NFATC3: variants seen among roughly 807,000 people sequenced by gnomAD.
NFATC3 encodes nuclear factor of activated T cells 3.
Under a neutral mutation model 98.6 loss-of-function variants are expected in NFATC3, and 46 were observed. The ratio of observed to expected loss-of-function variants is 0.47; its 90% confidence interval spans 0.37 to 0.60. NFATC3 has a LOEUF of 0.60. NFATC3 is among the 20% of genes least tolerant of loss of function. The pLI is 0.00. For missense variants in NFATC3, 1,256 were observed against 1,295.5 expected (o/e 0.97, Z 0.47); for synonymous variants, 512 against 472.2 (o/e 1.08, Z -1.09).
chr16:68,109,806 G>A (rs1379295052), intron 1 of NFATC3, among the ~76,000 whole-genome samples: 2 of 151,782 alleles, frequency 1.3e-5, no homozygotes, highest in Middle Eastern at 3.2e-3. Context: ...GTCTTAGGAG[G>A]GTGTATGTGT....
chr16:68,173,449 C>T (rs1012401364), intron 5 of NFATC3, among the ~76,000 whole-genome samples: 7 of 152,062 alleles, frequency 4.6e-5, no homozygotes, highest in Non-Finnish European at 8.8e-5. Context: ...TGCCTGTAAT[C>T]CCAGCTACTC....
chr16:68,223,303 G>T (rs1342828179), intron 9 of NFATC3, among the ~76,000 whole-genome samples: 1 of 151,776 alleles, frequency 6.6e-6, no homozygotes, highest in Non-Finnish European at 1.5e-5. Context: ...TGGGAGGATT[G>T]CTTGAGGCCA....
chr16:68,085,594 A>C lies in NFATC3; in HGVS notation c.-88A>C, dbSNP rs764160008. The C allele has an allele frequency of 3.3e-6, 4 of 1,200,714 alleles. No individual in the cohort carries two copies. Among genetic ancestry groups the C allele is most frequent in the African/African-American group, 3.3e-5 (2 of 61,422 alleles). The allele number at this position is 1,200,714 out of a possible 1,614,324, so 74.4% of individuals were successfully genotyped here. On this transcript the variant is annotated 5_prime_UTR_variant, in exon 1 of 10. An upstream start codon of the reference 5' UTR is lost. Coordinates refer to ENST00000346183, the MANE Select transcript of NFATC3 (RefSeq NM_173165.3). ...GACCTCTTGGCCCGCGCGGCCCGGC[A>C]TGAAGCGGCGTTGAGGAGCTGCTGC...
chr16:68,175,177 A>G (rs1385827610), intron 6 of NFATC3, among the ~76,000 whole-genome samples: 2 of 152,254 alleles, frequency 1.3e-5, no homozygotes, highest in African/African-American at 4.8e-5. Context: ...ATAAAAGGAC[A>G]CATAGTATAT....
chr16:68,104,812 G>A (rs141859350), intron 1 of NFATC3, among the ~76,000 whole-genome samples: 3,043 of 151,802 alleles, frequency 0.02, 43 homozygotes, highest in Non-Finnish European at 0.033. Flanking sequence ...CCACCACCAC[G>A]CTCAGCTAAT....
At chr16:68,097,989 G>C (rs2035108182) in intron 1 of NFATC3, among the ~76,000 whole-genome samples, 1 of 152,056 alleles carries the variant, frequency 6.6e-6, no homozygotes, top group South Asian at 2.1e-4. Context: ...CTGACTTCTT[G>C]TCATTGCTAT....
intron 9 of NFATC3, among the ~76,000 whole-genome samples, chr16:68,214,704 G>C (rs1073632): frequency 6.6e-6 from 1 of 152,166 alleles, no homozygotes; most frequent in African/African-American, 2.4e-5. Context: ...AAGAGGTTTC[G>C]TATCTATGAA....
chr16:68,123,228 C>CA, intron 2 of NFATC3, 107 bp downstream of exon 2: 1 of 1,155,128 alleles, frequency 8.7e-7, no homozygotes, highest in Non-Finnish European at 1.1e-6. Flanking sequence ...TTGACCATTT[C>CA]TCCTCTTCCT....
intron 1 of NFATC3, chr16:68,089,157 A>C (rs752317604): frequency 4.2e-5 from 41 of 985,310 alleles, no homozygotes; most frequent in Non-Finnish European, 4.8e-5. Context: ...TACTTGTATC[A>C]CAACTAAATT....
chr16:68,195,499 G>A (rs1005134453), intron 9 of NFATC3, among the ~76,000 whole-genome samples: 7 of 151,784 alleles, frequency 4.6e-5, no homozygotes, highest in African/African-American at 1.7e-4. Flanking sequence ...GTGAGACCCT[G>A]TCTCTAAAAT....
chr16:68,106,290 C>A (rs544243404), intron 1 of NFATC3, among the ~76,000 whole-genome samples: 118 of 150,642 alleles, frequency 7.8e-4, no homozygotes, highest in African/African-American at 2.5e-3. Flanking sequence ...TTTTTCTTTT[C>A]TTTTTCTTTT....
chr16:68,093,997 ATGCTTCTTATTCC>A (rs1474755529), intron 1 of NFATC3, among the ~76,000 whole-genome samples: 2 of 152,206 alleles, frequency 1.3e-5, no homozygotes, highest in Non-Finnish European at 2.9e-5. Flanking sequence ...TACTTGAGGG[ATGCTTCTTATTCC>A]TGCCTGCTCT....
At chr16:68,205,613 TGTC>T (rs2041115863) in intron 9 of NFATC3, among the ~76,000 whole-genome samples, 1 of 152,188 alleles carries the variant, frequency 6.6e-6, no homozygotes, top group South Asian at 2.1e-4. Context: ...AAAAAAAATC[TGTC>T]TTCTAAGTAG....
At chr16:68,125,889 TTTA>T (rs1555515461) in intron 2 of NFATC3, among the ~76,000 whole-genome samples, 2 of 151,988 alleles carry the variant, frequency 1.3e-5, no homozygotes, top group South Asian at 2.1e-4. Context: ...TTTATTTTAT[TTTA>T]TTATTATTAT....
intron 9 of NFATC3, among the ~76,000 whole-genome samples, chr16:68,220,788 G>A (rs939346920): frequency 6.6e-6 from 1 of 151,444 alleles, no homozygotes; most frequent in Admixed American, 6.6e-5. Flanking sequence ...GCATTGTGGC[G>A]GGCGCCTATA....
chr16:68,183,421 G>T (rs1425721812), intron 8 of NFATC3, 55 bp downstream of exon 8: 1 of 1,578,206 alleles, frequency 6.3e-7, no homozygotes, highest in African/African-American at 1.4e-5. Flanking sequence ...TGAATAAAAA[G>T]TTATTTAACG....
intron 7 of NFATC3, among the ~76,000 whole-genome samples, chr16:68,182,123 A>G (rs2039972817): frequency 6.6e-6 from 1 of 152,220 alleles, no homozygotes; most frequent in African/African-American, 2.4e-5. Context: ...CTCATTTAGG[A>G]ATAAAAACAA....
chr16:68,184,004 C>CAAAA (rs34341175), intron 8 of NFATC3, among the ~76,000 whole-genome samples: 172 of 60,996 alleles, frequency 2.8e-3, no homozygotes, highest in East Asian at 3.1e-3. Flanking sequence ...AACTCCGTCA[C>CAAAA]AAAAAAAAAA....
chr16:68,200,312 G>C (rs1332679945), intron 9 of NFATC3: 2 of 151,914 alleles, frequency 1.3e-5, no homozygotes, highest in Non-Finnish European at 2.9e-5. Flanking sequence ...TATCAGTATG[G>C]CCTGAGGTCA....
Sources: gnomAD v4.1 joint callset for allele counts (sites outside exome capture counted in the v4.1 genomes callset) on GRCh38, gnomAD v4.1.1 for gene constraint, MANE v1.5 for transcripts, NCBI Gene and HGNC (gene_info 2026-07-23, HGNC 2026-07-21) for gene names.